LRRTM4: variants seen among roughly 807,000 people sequenced by gnomAD.
LRRTM4 encodes the protein leucine rich repeat transmembrane neuronal 4.
LRRTM4 carries 25 observed loss-of-function variants against 47.6 expected under a neutral mutation model. The observed-to-expected ratio is 0.53, with a 90% confidence interval of 0.38 to 0.73. The LOEUF (loss-of-function observed/expected upper bound fraction) is 0.73, where lower values mean the gene tolerates loss of function less well. Among genes scored for constraint, LRRTM4 ranks in the 30% least tolerant of loss-of-function variants. The pLI is 0.00. For synonymous variants in LRRTM4, 311 were observed against 269.5 expected (o/e 1.15, Z -1.51); for missense variants, 638 against 713.4 (o/e 0.89, Z 1.20).
In LRRTM4 at chr2:76,766,783, G is replaced by C. The variant is rs884590; in HGVS notation, c.1552-17867C>G. 1.3e-3 allele frequency among the ~76,000 whole-genome samples: 194 copies of C among 152,080 alleles called. 1 individual carries two copies. The highest frequency in any genetic ancestry group is 8.3e-3 in the South Asian group (40 of 4,814). ...GTGTCTGGAGACATTTTTGGTTGTG[G>C]AGATTGAGGTCTACTGGCATCTAGT... On this transcript the variant is annotated intron_variant, in intron 3 of 3. Coordinates refer to ENST00000409884, the MANE Select transcript of LRRTM4 (RefSeq NM_001134745.3).
At chr2:77,100,649 T>A (rs1670928473) in intron 3 of LRRTM4, among the ~76,000 whole-genome samples, 1 of 152,086 alleles carries the variant, frequency 6.6e-6, no homozygotes, top group Non-Finnish European at 1.5e-5. Flanking sequence ...TGGTTTAAAA[T>A]AAATTAAATA....
At position 76,802,667 on chromosome 2, in the gene LRRTM4, AAGAAC is replaced by A. The variant is rs138562961; in HGVS notation, c.1552-53756_1552-53752del. Among the ~76,000 whole-genome samples, 359 of 152,266 alleles carry A rather than the reference AAGAAC, an allele frequency of 2.4e-3. 6 individuals carry two copies. The highest frequency in any genetic ancestry group is 8.3e-3 in the African/African-American group (344 of 41,556). On this transcript the variant is annotated intron_variant, in intron 3 of 3. Coordinates refer to ENST00000409884, the MANE Select transcript of LRRTM4 (RefSeq NM_001134745.3). ...AAAGATCCAAAATATCTTGGTCCAA[AAGAAC>A]AAAGCTGGAGGTATCATACTACCTG...
intron 3 of LRRTM4, among the ~76,000 whole-genome samples, chr2:77,508,351 G>A (rs993482550): frequency 2.0e-5 from 3 of 152,084 alleles, no homozygotes; most frequent in African/African-American, 4.8e-5. Context: ...GTAAGGGCTC[G>A]TAGAGGACAA....
At chr2:76,890,388 G>C (rs1673214734) in intron 3 of LRRTM4, among the ~76,000 whole-genome samples, 1 of 151,934 alleles carries the variant, frequency 6.6e-6, no homozygotes, top group Non-Finnish European at 1.5e-5. Flanking sequence ...TACTCTACAA[G>C]TTCTATAAGC....
intron 3 of LRRTM4, among the ~76,000 whole-genome samples, chr2:76,813,744 T>C (rs1295392413): frequency 6.6e-6 from 1 of 152,160 alleles, no homozygotes; most frequent in Non-Finnish European, 1.5e-5. Flanking sequence ...AAGGATGTTA[T>C]TGTTTCAATA....
intron 3 of LRRTM4, among the ~76,000 whole-genome samples, chr2:76,788,720 A>C (rs185475121): frequency 6.6e-6 from 1 of 152,212 alleles, no homozygotes; most frequent in Non-Finnish European, 1.5e-5. Context: ...TTTTATATCT[A>C]TTCTATCAAT....
intron 3 of LRRTM4, among the ~76,000 whole-genome samples, chr2:76,932,073 C>T (rs1674787579): frequency 6.6e-6 from 1 of 152,078 alleles, no homozygotes; most frequent in African/African-American, 2.4e-5. Context: ...ATCTTCTGCC[C>T]TTTCAACGTG....
At chr2:77,516,892 G>A (rs1573517830) in intron 3 of LRRTM4, 1 of 984,692 alleles carries the variant, frequency 1.0e-6, no homozygotes, top group Non-Finnish European at 1.2e-6. Context: ...TTGTAGTTAG[G>A]ACTATGGAAA....
intron 3 of LRRTM4, among the ~76,000 whole-genome samples, chr2:77,169,313 T>G (rs768856282): frequency 2.0e-5 from 3 of 152,180 alleles, no homozygotes. Context: ...ATTATATATA[T>G]AGAAAATCTT....
chr2:77,327,549 AC>A (rs1670822757), intron 3 of LRRTM4, among the ~76,000 whole-genome samples: 2 of 152,226 alleles, frequency 1.3e-5, no homozygotes, highest in Non-Finnish European at 2.9e-5. Context: ...AAATAAAAGA[AC>A]AAAAGGTTAT....
At chr2:77,446,721 T>C (rs1164809674) in intron 3 of LRRTM4, among the ~76,000 whole-genome samples, 2 of 152,004 alleles carry the variant, frequency 1.3e-5, no homozygotes, top group African/African-American at 2.4e-5. Context: ...TAAATATGGA[T>C]ACTGTAAAAT....
intron 3 of LRRTM4, among the ~76,000 whole-genome samples, chr2:76,826,271 G>A (rs1671187906): frequency 6.6e-6 from 1 of 151,660 alleles, no homozygotes; most frequent in Admixed American, 6.6e-5. Flanking sequence ...TTATAGGAAA[G>A]CCAAGAAGTA....
intron 3 of LRRTM4, among the ~76,000 whole-genome samples, chr2:77,432,682 T>C (rs1161145082): frequency 6.6e-6 from 1 of 152,132 alleles, no homozygotes; most frequent in Non-Finnish European, 1.5e-5. Flanking sequence ...GAGCTAGAGA[T>C]AGGTAAAGAG....
intron 3 of LRRTM4, among the ~76,000 whole-genome samples, chr2:77,493,828 T>C (rs13414652): frequency 0.043 from 6,512 of 152,156 alleles, 474 homozygotes; most frequent in African/African-American, 0.15. Context: ...AGTTTTACAA[T>C]TCATATGAAA....
At chr2:77,037,389 T>A (rs966575560) in intron 3 of LRRTM4, among the ~76,000 whole-genome samples, 1 of 151,794 alleles carries the variant, frequency 6.6e-6, no homozygotes, top group Non-Finnish European at 1.5e-5. Context: ...GTCACCACAA[T>A]CTCTGTGGGT....
At chr2:77,360,484 TAC>T (rs1672153594) in intron 3 of LRRTM4, among the ~76,000 whole-genome samples, 1 of 58,076 alleles carries the variant, frequency 1.7e-5, no homozygotes, top group Admixed American at 2.1e-4. Context: ...TATGATACGA[TAC>T]GATACGATAC....
In LRRTM4 at chr2:77,518,348, T is replaced by A. The variant is rs1679308310; in HGVS notation, c.1521A>T (p.Thr507=). The change falls in exon 3 of 4, where the codon ACA becomes ACT. Residue 507 remains threonine (T), a synonymous_variant. Transcript: ENST00000409884. ...DISVNGSGPC[T]YTISGSRECE... Reference sequence around the variant, plus strand: ...ATTCCCTGGAGCCAGAGATGGTATATGTGCAGGGCCCAGATCCATTAACCG... The same window carrying A: ...ATTCCCTGGAGCCAGAGATGGTATAAGTGCAGGGCCCAGATCCATTAACCG... 1.2e-6 allele frequency: 2 copies of A among 1,611,308 alleles called. No individual in the cohort carries two copies. Among genetic ancestry groups the A allele is most frequent in the Non-Finnish European group, 1.7e-6 (2 of 1,178,754 alleles).
chr2:77,044,933 ATGTG>A (rs970474543), intron 3 of LRRTM4, among the ~76,000 whole-genome samples: 2 of 151,634 alleles, frequency 1.3e-5, no homozygotes, highest in East Asian at 1.9e-4. Flanking sequence ...ATATGTGTAT[ATGTG>A]TGTGTGTATG....
intron 3 of LRRTM4, among the ~76,000 whole-genome samples, chr2:77,329,536 G>A (rs1332065306): frequency 6.6e-6 from 1 of 152,132 alleles, no homozygotes; most frequent in Non-Finnish European, 1.5e-5. Flanking sequence ...GCTGAACAGT[G>A]CTAAATACTA....
Sources: allele counts gnomAD v4.1 joint callset (sites outside exome capture counted in the v4.1 genomes callset), GRCh38; gene constraint gnomAD v4.1.1; transcripts MANE v1.5; gene names NCBI Gene and HGNC (gene_info 2026-07-23, HGNC 2026-07-21).